PANK1: variants seen among roughly 807,000 people sequenced by gnomAD.
The protein encoded by PANK1 is pantothenic acid kinase 1.
In PANK1, 18 loss-of-function variants were observed where a neutral mutation model predicts 40.1. The ratio of observed to expected loss-of-function variants is 0.45; its 90% CI spans 0.31 to 0.67. PANK1 has a LOEUF of 0.67. Ranked by LOEUF, PANK1 falls within the 30% of genes least tolerant of loss-of-function variation. The pLI, the probability that PANK1 is intolerant of heterozygous loss-of-function variation, is 0.06. For missense variants in PANK1, 457 were observed against 599.6 expected (o/e 0.76, Z 2.48); for synonymous variants, 242 against 237.7 (o/e 1.02, Z -0.17).
At chr10:89,636,581 AG>A (rs1443843219) in intron 1 of PANK1, among the ~76,000 whole-genome samples, 1 of 151,966 alleles carries the variant, frequency 6.6e-6, no homozygotes, top group African/African-American at 2.4e-5. Context: ...CCTCCCGAGT[AG>A]CTGGGACTAC....
At chr10:89,636,729 G>A (rs976603318) in intron 1 of PANK1, among the ~76,000 whole-genome samples, 3 of 151,478 alleles carry the variant, frequency 2.0e-5, no homozygotes, top group Non-Finnish European at 2.9e-5. Context: ...GGGATTACAG[G>A]CATGAGCCAC....
chr10:89,614,227 T>C (rs1276905244), intron 1 of PANK1, among the ~76,000 whole-genome samples: 1 of 152,142 alleles, frequency 6.6e-6, no homozygotes, highest in African/African-American at 2.4e-5. Context: ...GAGAAGGGTA[T>C]TTTGGAACAT....
At chr10:89,608,661 G>C (rs990483761) in intron 2 of PANK1, among the ~76,000 whole-genome samples, 3 of 152,268 alleles carry the variant, frequency 2.0e-5, no homozygotes, top group African/African-American at 4.8e-5. Flanking sequence ...AAATCACACA[G>C]ATGGATTTTT....
At chr10:89,596,332 G>T (rs1030742215) in intron 3 of PANK1, among the ~76,000 whole-genome samples, 3 of 152,182 alleles carry the variant, frequency 2.0e-5, no homozygotes, top group African/African-American at 7.2e-5. Flanking sequence ...CCACTCCAAA[G>T]GTAGGCAACT....
downstream of PANK1, chr10:89,580,841 G>C (rs1475049793): frequency 3.3e-5 from 5 of 152,042 alleles, no homozygotes; most frequent in Non-Finnish European, 7.4e-5. Flanking sequence ...TATTTTCTCA[G>C]ACATTTACAC....
chr10:89,594,676 T>C (rs1006648595), intron 3 of PANK1, among the ~76,000 whole-genome samples: 12 of 152,320 alleles, frequency 7.9e-5, no homozygotes, highest in African/African-American at 2.6e-4. Flanking sequence ...TAAAAAACAG[T>C]AACAAAGGTC....
chr10:89,639,008 C>A, intron 1 of PANK1: 1 of 265,784 alleles, frequency 3.8e-6, no homozygotes, highest in Non-Finnish European at 8.0e-6. Flanking sequence ...GTTCCAAAAC[C>A]GCTTTCACAT....
At position 89,618,421 on chromosome 10, in the gene PANK1, T is replaced by C. The variant is rs78207054; in HGVS notation, c.293-6373A>G. 1.2e-3 allele frequency among the ~76,000 whole-genome samples: 183 copies of C among 152,338 alleles called. 2 individuals carry two copies. In the East Asian group the frequency reaches 0.025, roughly 21 times the overall value. ...CAGAGTTGATGTAGAAATGACTTTA[T>C]ATCATCACCTGAGTAACAGCCTAAA... is the stretch of plus-strand genomic sequence containing the variant. On this transcript the variant is annotated intron_variant, in intron 1 of 6. Coordinates refer to ENST00000307534, the MANE Select transcript of PANK1 (RefSeq NM_148977.3).
At chr10:89,620,443 A>G (rs954619730) in intron 1 of PANK1, among the ~76,000 whole-genome samples, 3 of 152,232 alleles carry the variant, frequency 2.0e-5, no homozygotes, top group Non-Finnish European at 4.4e-5. Context: ...GTTGAAGATA[A>G]GGGATGAAAT....
chr10:89,611,579 G>A (rs1031710069), intron 2 of PANK1, 117 bp downstream of exon 2: 33 of 694,314 alleles, frequency 4.8e-5, no homozygotes, highest in East Asian at 8.2e-5. Flanking sequence ...GGCACAGAGC[G>A]GTGACATAAG....
rs139640592 is a variant in PANK1 at position 89,617,484 on chromosome 10, T to C, written c.293-5436A>G. 2.0e-5 allele frequency among the ~76,000 whole-genome samples: 3 copies of C among 152,342 alleles called. No individual in the cohort carries two copies. In the East Asian group the frequency reaches 5.8e-4, roughly 29 times the overall value. ...AAAAAAGAGAGAGATGAGCTCTCTC[T>C]GGTTTATAGATTAAAGAAAAGGGAA... On this transcript the variant is annotated intron_variant, in intron 1 of 6. Transcript: ENST00000307534.
At chr10:89,622,620 G>A (rs1845523655) in intron 1 of PANK1, among the ~76,000 whole-genome samples, 1 of 152,156 alleles carries the variant, frequency 6.6e-6, no homozygotes, top group Non-Finnish European at 1.5e-5. Flanking sequence ...CGGATCACGA[G>A]GTCAGGAGAT....
At chr10:89,605,838 T>C (rs1415227825) in intron 2 of PANK1, among the ~76,000 whole-genome samples, 1 of 152,140 alleles carries the variant, frequency 6.6e-6, no homozygotes, top group Non-Finnish European at 1.5e-5. Context: ...ATGAAAAGTA[T>C]TTCTTTAAAA....
At position 89,593,920 on chromosome 10, in the gene PANK1, C is replaced by T. The variant is rs754724295; in HGVS notation, c.969G>A (p.Leu323=). The change falls in exon 4 of 7, where the codon CTG becomes CTA. Residue 323 remains leucine (L), a synonymous_variant. Coordinates refer to ENST00000307534, the MANE Select transcript of PANK1 (RefSeq NM_148977.3). ...TGCTGTCGCCTTTAGCTGCCATTTC[C>T]AGAGCTTCTTCAAAGGTCTCACAAC... ...LTGCETFEEA[L]EMAAKGDSTN... is the part of the protein sequence containing the mutation. The T allele has an allele frequency of 2.5e-6, 4 of 1,613,582 alleles. No individual in the cohort carries two copies.
At chr10:89,643,783 G>A (rs1370331166) in intron 1 of PANK1, 32 of 1,610,606 alleles carry the variant, frequency 2.0e-5, no homozygotes, top group Non-Finnish European at 2.7e-5. Flanking sequence ...AAAACCAGCT[G>A]TAAACTCGAC....
At chr10:89,628,487 G>C (rs190923884) in intron 1 of PANK1, among the ~76,000 whole-genome samples, 73 of 152,080 alleles carry the variant, frequency 4.8e-4, no homozygotes, top group African/African-American at 1.7e-3. Flanking sequence ...CAAAACTCTA[G>C]AGACAGAAAA....
At chr10:89,596,944 T>A (rs1478689631) in intron 3 of PANK1, among the ~76,000 whole-genome samples, 3 of 152,198 alleles carry the variant, frequency 2.0e-5, no homozygotes, top group Non-Finnish European at 4.4e-5. Flanking sequence ...ATAATTCGAG[T>A]TGTGTCACTA....
intron 1 of PANK1, among the ~76,000 whole-genome samples, chr10:89,640,710 T>C (rs967881102): frequency 5.3e-5 from 8 of 152,226 alleles, no homozygotes; most frequent in Non-Finnish European, 1.5e-5. Context: ...AAATGCAGGC[T>C]ATCCCACACA....
intron 1 of PANK1, among the ~76,000 whole-genome samples, chr10:89,634,759 C>A (rs1841753435): frequency 6.6e-6 from 1 of 152,158 alleles, no homozygotes; most frequent in African/African-American, 2.4e-5. Flanking sequence ...TAAAAAATAA[C>A]CATGTCCTGA....
Sources: gnomAD v4.1 joint callset for allele counts (sites outside exome capture counted in the v4.1 genomes callset) on GRCh38, gnomAD v4.1.1 for gene constraint, MANE v1.5 for transcripts, NCBI Gene and HGNC (gene_info 2026-07-23, HGNC 2026-07-21) for gene names.